Variants in SPATA6L observed in about 807,000 individuals in gnomAD.
SPATA6L encodes spermatogenesis associated 6 like, also known as spermatogenesis associated 6-like protein.
Under a neutral mutation model 49.2 loss-of-function variants are expected in SPATA6L, and 68 were observed. That is an observed-to-expected ratio of 1.38 (90% CI 1.14 to 1.69). The LOEUF (loss-of-function observed/expected upper bound fraction) is 1.69. Among genes scored for constraint, SPATA6L ranks in the 40% most tolerant of loss-of-function variants. The pLI is 0.00. For synonymous variants in SPATA6L, 198 were observed against 165.7 expected, an observed-to-expected ratio of 1.19 and a Z score of -1.50; for missense variants, 668 against 464.3, an observed-to-expected ratio of 1.44 and a Z score of -4.03.
intron 6 of SPATA6L, 171 bp downstream of exon 6, chr9:4,625,156 C>G: frequency 1.6e-6 from 2 of 1,265,838 alleles, no homozygotes; most frequent in Non-Finnish European, 2.1e-6. Context: ...CTAGGGGTTT[C>G]CTGACAACGA....
At chr9:4,618,406 A>C (rs778207413) in intron 8 of SPATA6L, among the ~76,000 whole-genome samples, 9 of 152,216 alleles carry the variant, frequency 5.9e-5, no homozygotes, top group Non-Finnish European at 1.2e-4. Context: ...TGGTCTGGGA[A>C]AAATGTAACT....
At chr9:4,590,334 T>G (rs1382007790) in intron 13 of SPATA6L, among the ~76,000 whole-genome samples, 2 of 152,190 alleles carry the variant, frequency 1.3e-5, no homozygotes, top group East Asian at 3.8e-4. Flanking sequence ...CTGGGCTGCA[T>G]GCACAGTGCC....
At chr9:4,611,689 C>T (rs925489035) in intron 9 of SPATA6L, among the ~76,000 whole-genome samples, 7 of 150,600 alleles carry the variant, frequency 4.6e-5, no homozygotes, top group Non-Finnish European at 8.9e-5. Flanking sequence ...GGGAGATACA[C>T]CTAATGCTAG....
At chr9:4,665,121 C>T (rs538673546) in intron 1 of SPATA6L, 1 of 167,108 alleles carries the variant, frequency 6.0e-6, no homozygotes, top group East Asian at 1.9e-4. Context: ...AGTTTTCTGG[C>T]TCTTAAAGCA....
At chr9:4,603,959 G>A (rs1173225399) in intron 11 of SPATA6L, among the ~76,000 whole-genome samples, 1 of 152,152 alleles carries the variant, frequency 6.6e-6, no homozygotes, top group African/African-American at 2.4e-5. Context: ...TGATGTTGCG[G>A]GCAGGGGAGA....
At chr9:4,644,705 A>T (rs1026946895) in intron 3 of SPATA6L, among the ~76,000 whole-genome samples, 1 of 151,778 alleles carries the variant, frequency 6.6e-6, no homozygotes, top group African/African-American at 2.4e-5. Flanking sequence ...ACACACACAC[A>T]CACACACACA....
intron 2 of SPATA6L, among the ~76,000 whole-genome samples, chr9:4,660,454 G>C (rs1839359843): frequency 6.6e-6 from 1 of 152,232 alleles, no homozygotes; most frequent in African/African-American, 2.4e-5. Context: ...CTGGTCATCA[G>C]AGAAATACAA....
chr9:4,656,876 G>A (rs185095719), intron 2 of SPATA6L, among the ~76,000 whole-genome samples: 1 of 152,030 alleles, frequency 6.6e-6, no homozygotes, highest in East Asian at 1.9e-4. Context: ...GTGCTAAAAA[G>A]GAACATAAAA....
At chr9:4,664,537 C>T (rs1840568434) in intron 1 of SPATA6L, 1 of 167,014 alleles carries the variant, frequency 6.0e-6, no homozygotes, top group Non-Finnish European at 1.5e-5. Flanking sequence ...GACCAAAGAC[C>T]ACCAAACGCA....
intron 3 of SPATA6L, among the ~76,000 whole-genome samples, chr9:4,641,135 ATAT>A (rs1833944716): frequency 6.6e-6 from 1 of 152,132 alleles, no homozygotes; most frequent in Non-Finnish European, 1.5e-5. Flanking sequence ...TTGGACTGTC[ATAT>A]GTCTTTCAAG....
chr9:4,620,617 A>G (rs759635001), intron 7 of SPATA6L, among the ~76,000 whole-genome samples: 16 of 152,238 alleles, frequency 1.1e-4, no homozygotes, highest in Non-Finnish European at 1.8e-4. Flanking sequence ...TGAAAGCTAC[A>G]GGGATTCCAA....
rs1167985230 is a variant in SPATA6L, at chr9:4,607,015, G to A, written c.996-1575C>T. 2.2e-3 allele frequency among the ~76,000 whole-genome samples: 327 copies of A among 148,658 alleles called. 3 individuals are homozygous for A. The highest frequency in any genetic ancestry group is 0.012 in the South Asian group (55 of 4,648). On this transcript the variant is annotated intron_variant, in intron 9 of 11. Transcript: ENST00000682582. The stretch of plus-strand genomic sequence containing the variant: ...GAAGAATGCAGAAGCCTCAGGAGCC[G>A]ATGCAATCAACTGGAAGAAAGGGTA...
intron 4 of SPATA6L, among the ~76,000 whole-genome samples, chr9:4,632,128 C>G (rs1281676798): frequency 1.3e-5 from 2 of 150,038 alleles, no homozygotes; most frequent in African/African-American, 4.9e-5. Context: ...TGACCTCTGC[C>G]TCCTGCCTCA....
chr9:4,634,896 G>A (rs1221188317), intron 4 of SPATA6L, among the ~76,000 whole-genome samples: 1 of 152,190 alleles, frequency 6.6e-6, no homozygotes, highest in Admixed American at 6.5e-5. Flanking sequence ...CTTGAGAATT[G>A]TTGGGAGAAA....
chr9:4,660,310 A>G (rs968326503), intron 2 of SPATA6L, among the ~76,000 whole-genome samples: 1 of 152,254 alleles, frequency 6.6e-6, no homozygotes, highest in African/African-American at 2.4e-5. Context: ...TCCAGAATCT[A>G]CAAAGAACTT....
In SPATA6L at chr9:4,629,769, G is replaced by GTGTGTATATATATATA. The variant is rs1311805859; in HGVS notation, c.352-602_352-601insTATATATATATACACA. On this transcript the variant is annotated intron_variant, in intron 4 of 11. Coordinates refer to ENST00000682582, the MANE Select transcript of SPATA6L (RefSeq NM_001353486.2). ...GTGTTTTATATATGTGTGTGTGTGT[G>GTGTGTATATATATATA]TATATATATATATATATATATATAT... Among the ~76,000 whole-genome samples, 95 of 101,892 alleles carry GTGTGTATATATATATA rather than the reference G, an allele frequency of 9.3e-4. 1 individual carries two copies. The highest frequency in any genetic ancestry group is 4.1e-3 in the African/African-American group (82 of 20,124). 66.8% of individuals were successfully genotyped at this position (101,892 alleles called of 152,430 possible). A position where few individuals can be genotyped will look rare whatever the true frequency, so the allele number is the denominator to read the frequency against.
At chr9:4,610,558 A>G (rs929954049) in intron 9 of SPATA6L, among the ~76,000 whole-genome samples, 2 of 147,804 alleles carry the variant, frequency 1.4e-5, no homozygotes, top group African/African-American at 5.0e-5. Flanking sequence ...AGGATTCCCT[A>G]TTTAATAAAT....
rs188129072 is a variant in SPATA6L, at chr9:4,613,002, C to T, written c.995+4921G>A. Among the ~76,000 whole-genome samples the T allele has an allele frequency of 1.6e-3, 244 of 152,050 alleles. 2 individuals are homozygous for T. The highest frequency in any genetic ancestry group is 6.8e-3 in the Middle Eastern group (2 of 292). Reference sequence around the variant, plus strand: ...CAGCACTTTGGAAGGCTGAGGCGGGCGGATCTCTTGAGGCCAAGAGTTCCA... The same window carrying T: ...CAGCACTTTGGAAGGCTGAGGCGGGTGGATCTCTTGAGGCCAAGAGTTCCA... On this transcript the variant is annotated intron_variant, in intron 9 of 11. Transcript: ENST00000682582.
chr9:4,654,762 C>T (rs1357323334), intron 3 of SPATA6L, among the ~76,000 whole-genome samples: 2 of 152,146 alleles, frequency 1.3e-5, no homozygotes, highest in African/African-American at 2.4e-5. Context: ...GTACTCCTCT[C>T]GATGTCCAGC....
Sources: gnomAD v4.1 joint callset for allele counts (sites outside exome capture counted in the v4.1 genomes callset) on GRCh38, gnomAD v4.1.1 for gene constraint, MANE v1.5 for transcripts, NCBI Gene and HGNC (gene_info 2026-07-23, HGNC 2026-07-21) for gene names.